Variants in RFX7 observed in about 807,000 individuals in gnomAD.
The protein encoded by RFX7 is DNA-binding protein RFX7.
A neutral mutation model predicts 111.8 loss-of-function variants in RFX7; 26 were observed. The ratio of observed to expected loss-of-function variants is 0.23; its 90% CI spans 0.17 to 0.32. The LOEUF (loss-of-function observed/expected upper bound fraction) is 0.32, where lower values mean the gene tolerates loss of function less well. Ranked by LOEUF, RFX7 falls within the 10% of genes least tolerant of loss-of-function variation. RFX7 has a pLI of 1.00. For synonymous variants in RFX7, 624 were observed against 624.4 expected, an observed-to-expected ratio of 1.00 and a Z score of 0.01; for missense variants, 1,573 against 1,772.9, an observed-to-expected ratio of 0.89 and a Z score of 2.02.
intron 2 of RFX7, among the ~76,000 whole-genome samples, chr15:56,209,888 C>T (rs1458068752): frequency 6.7e-6 from 1 of 148,790 alleles, no homozygotes; most frequent in Non-Finnish European, 1.5e-5. Flanking sequence ...CCACAAAAGG[C>T]AAAACAAAAA....
Position 56,206,637 on chromosome 15 carries a change from C to T in RFX7, c.162-27334G>A, listed in dbSNP as rs914978257. On this transcript the variant is annotated intron_variant, in intron 2 of 9. Transcript: ENST00000559447. ...CAACAGATGAATGGATAATGTGGTACATATACACAATGGAGTATTATTCAG... is the reference window on the plus strand; with the variant it reads ...CAACAGATGAATGGATAATGTGGTATATATACACAATGGAGTATTATTCAG... Among the ~76,000 whole-genome samples, 4 of 151,800 alleles carry T rather than the reference C, an allele frequency of 2.6e-5. No individual in the cohort carries two copies. The East Asian group carries it at 7.7e-4, about 29-fold the overall frequency.
intron 3 of RFX7, among the ~76,000 whole-genome samples, chr15:56,159,566 T>C (rs1321272731): frequency 6.6e-6 from 1 of 152,206 alleles, no homozygotes; most frequent in Non-Finnish European, 1.5e-5. Flanking sequence ...GCTGTGCTAC[T>C]AGAGAGAAAG....
At chr15:56,200,969 T>G (rs1176406096) in intron 2 of RFX7, among the ~76,000 whole-genome samples, 3 of 151,596 alleles carry the variant, frequency 2.0e-5, no homozygotes, top group Admixed American at 1.3e-4. Context: ...AACCAGCCCA[T>G]GGTATTAGGT....
At chr15:56,169,001 T>C (rs1249132046) in intron 3 of RFX7, among the ~76,000 whole-genome samples, 3 of 152,204 alleles carry the variant, frequency 2.0e-5, no homozygotes, top group Non-Finnish European at 4.4e-5. Context: ...AAGCCACCAG[T>C]TGTTTCATTC....
At chr15:56,140,912 C>T (rs2042383452) in intron 5 of RFX7, among the ~76,000 whole-genome samples, 1 of 152,188 alleles carries the variant, frequency 6.6e-6, no homozygotes, top group African/African-American at 2.4e-5. Context: ...CAGGATCACT[C>T]TTCCGCAAAT....
intron 5 of RFX7, among the ~76,000 whole-genome samples, chr15:56,107,798 C>T (rs2041851891): frequency 6.6e-6 from 1 of 152,086 alleles, no homozygotes; most frequent in Non-Finnish European, 1.5e-5. Context: ...AAAAATGATG[C>T]AGGCGATATC....
At chr15:56,227,515 CCTTT>C (rs1172783591) in intron 2 of RFX7, among the ~76,000 whole-genome samples, 1 of 152,270 alleles carries the variant, frequency 6.6e-6, no homozygotes, top group African/African-American at 2.4e-5. Context: ...AATTACACTT[CCTTT>C]ATTAACAAAT....
intron 2 of RFX7, among the ~76,000 whole-genome samples, chr15:56,200,707 G>A (rs1162902335): frequency 6.6e-6 from 1 of 152,076 alleles, no homozygotes; most frequent in Non-Finnish European, 1.5e-5. Flanking sequence ...GCTGAGGCAG[G>A]AGAAATGCTT....
intron 5 of RFX7, among the ~76,000 whole-genome samples, chr15:56,110,408 CG>C (rs1332924129): frequency 1.2e-5 from 1 of 84,672 alleles, no homozygotes; most frequent in African/African-American, 4.3e-5. Context: ...CCGCCCCGTC[CG>C]GGGGAGGGGG....
intron 2 of RFX7, among the ~76,000 whole-genome samples, chr15:56,214,290 G>A (rs1169980902): frequency 1.3e-5 from 2 of 151,744 alleles, no homozygotes; most frequent in Non-Finnish European, 2.9e-5. Context: ...AAAATATTTT[G>A]ATTAAAATTT....
At chr15:56,223,949 C>T (rs2043453282) in intron 2 of RFX7, among the ~76,000 whole-genome samples, 1 of 151,816 alleles carries the variant, frequency 6.6e-6, no homozygotes, top group African/African-American at 2.4e-5. Context: ...TTTCTCAAGA[C>T]ATTATACATA....
chr15:56,112,381 A>AAAAAAAAAAAAAAAAAAAAAAAAAC (rs2041951564), intron 5 of RFX7, among the ~76,000 whole-genome samples: 1 of 3,296 alleles, frequency 3.0e-4, no homozygotes, highest in African/African-American at 4.2e-4. Context: ...GTACAAATCA[A>AAAAAAAAAAAAAAAAAAAAAAAAAC]AAAAAAAAAA....
In RFX7 at chr15:56,088,100, T is replaced by C. The variant is rs2041549590; in HGVS notation, c.*5245A>G. The C allele has an allele frequency of 4.7e-6, 1 of 211,054 alleles. No individual in the cohort carries two copies. The allele number at this position is 211,054 out of a possible 1,614,324, so 13.1% of individuals were successfully genotyped here. A position where few individuals can be genotyped will look rare whatever the true frequency, so the allele number is the denominator to read the frequency against. ...AAAAAGAATTGTTGACATATAAGGA[T>C]GGGAGGTTAAATAAAGAACTCCACA... On this transcript the variant is annotated 3_prime_UTR_variant, in exon 10 of 10. Coordinates refer to ENST00000559447, the MANE Select transcript of RFX7 (RefSeq NM_022841.7).
intron 2 of RFX7, among the ~76,000 whole-genome samples, chr15:56,189,364 A>C (rs538496013): frequency 1.2e-4 from 19 of 152,258 alleles, no homozygotes; most frequent in African/African-American, 4.6e-4. Flanking sequence ...AGGACAACAG[A>C]ACAAGACCCT....
chr15:56,117,466 C>A (rs2140957000), intron 5 of RFX7, among the ~76,000 whole-genome samples: 2 of 152,284 alleles, frequency 1.3e-5, no homozygotes, highest in East Asian at 3.9e-4. Flanking sequence ...GCATATCTAT[C>A]ATCTTAAACA....
chr15:56,133,734 G>C (rs1241292899), intron 5 of RFX7, among the ~76,000 whole-genome samples: 1 of 151,966 alleles, frequency 6.6e-6, no homozygotes, highest in East Asian at 1.9e-4. Flanking sequence ...CTAATACTTT[G>C]ATCTACATTT....
intron 3 of RFX7, among the ~76,000 whole-genome samples, chr15:56,156,025 A>C (rs1315283574): frequency 1.3e-5 from 2 of 152,084 alleles, no homozygotes; most frequent in Admixed American, 1.3e-4. Flanking sequence ...AGCTCTAATA[A>C]GTTTACTACA....
At chr15:56,137,301 T>G (rs1162166723) in intron 5 of RFX7, among the ~76,000 whole-genome samples, 8 of 152,224 alleles carry the variant, frequency 5.3e-5, no homozygotes, top group African/African-American at 1.9e-4. Flanking sequence ...GATCCTGTTA[T>G]TGGTCTATTC....
Position 56,092,185 on chromosome 15 carries a change from A to G in RFX7, c.*1160T>C, listed in dbSNP as rs1184915975. 1 of 152,586 alleles carries G rather than the reference A, an allele frequency of 6.6e-6. No homozygotes were observed. Among genetic ancestry groups the G allele is most frequent in the Non-Finnish European group, 1.5e-5 (1 of 67,970 alleles). The allele number at this position is 152,586 out of a possible 1,614,324, so 9.5% of individuals were successfully genotyped here. ...ATAAATAAATTAAGCAAGTAATAAA[A>G]TGCTCTTCTTCTTCAAGTACTATTG... On this transcript the variant is annotated 3_prime_UTR_variant, in exon 10 of 10. Transcript: ENST00000559447.
Sources: allele counts gnomAD v4.1 joint callset (sites outside exome capture counted in the v4.1 genomes callset), GRCh38; gene constraint gnomAD v4.1.1; transcripts MANE v1.5; gene names NCBI Gene and HGNC (gene_info 2026-07-23, HGNC 2026-07-21).